Variants in CNTNAP2 observed in about 807,000 individuals in gnomAD.
CNTNAP2 encodes contactin associated protein 2.
CNTNAP2 carries 98 observed loss-of-function variants against 155.2 expected under a neutral mutation model. The ratio of observed to expected loss-of-function variants is 0.63; its 90% confidence interval spans 0.54 to 0.75. The LOEUF (loss-of-function observed/expected upper bound fraction) is 0.75. Among genes scored for constraint, CNTNAP2 ranks in the 30% least tolerant of loss-of-function variants. CNTNAP2 has a pLI of 0.00. For missense variants in CNTNAP2, 1,727 were observed against 1,688.1 expected, an observed-to-expected ratio of 1.02 and a Z score of -0.40; for synonymous variants, 651 against 631.2, an observed-to-expected ratio of 1.03 and a Z score of -0.47.
At chr7:148,201,250 G>T (rs1002611315) in intron 18 of CNTNAP2, among the ~76,000 whole-genome samples, 4 of 152,324 alleles carry the variant, frequency 2.6e-5, no homozygotes, top group Non-Finnish European at 5.9e-5. Context: ...AAAAGGGAAA[G>T]ACATGCAGAT....
intron 12 of CNTNAP2, among the ~76,000 whole-genome samples, chr7:147,563,837 G>A (rs1341457113): frequency 6.6e-6 from 1 of 152,010 alleles, no homozygotes; most frequent in Admixed American, 6.6e-5. Flanking sequence ...AAATCAGATT[G>A]TAAAACTAGA....
At chr7:148,147,180 C>G (rs922344773) in intron 16 of CNTNAP2, among the ~76,000 whole-genome samples, 2 of 152,164 alleles carry the variant, frequency 1.3e-5, no homozygotes, top group Non-Finnish European at 2.9e-5. Context: ...ACTCAACATG[C>G]GCTAACTTCT....
intron 9 of CNTNAP2, among the ~76,000 whole-genome samples, chr7:147,304,372 A>G (rs1482016834): frequency 6.6e-6 from 1 of 152,222 alleles, no homozygotes; most frequent in African/African-American, 2.4e-5. Context: ...AATGTTAAAC[A>G]CAATAATTAA....
At chr7:146,919,087 C>A (rs889362431) in intron 3 of CNTNAP2, among the ~76,000 whole-genome samples, 1 of 152,058 alleles carries the variant, frequency 6.6e-6, no homozygotes, top group Non-Finnish European at 1.5e-5. Context: ...CCATTAATAT[C>A]CTGTATCATT....
chr7:146,865,895 C>A (rs1050445947), intron 3 of CNTNAP2, among the ~76,000 whole-genome samples: 2 of 152,108 alleles, frequency 1.3e-5, no homozygotes, highest in African/African-American at 4.8e-5. Flanking sequence ...TACAGAAACA[C>A]AATGACCCGT....
chr7:147,939,814 C>A (rs926362417), intron 14 of CNTNAP2, among the ~76,000 whole-genome samples: 30 of 151,548 alleles, frequency 2.0e-4, no homozygotes, highest in East Asian at 1.4e-3. Flanking sequence ...ACACACACAC[C>A]CCCCAGCAGA....
chr7:146,333,501 G>C (rs1801219981), intron 1 of CNTNAP2, among the ~76,000 whole-genome samples: 1 of 152,138 alleles, frequency 6.6e-6, no homozygotes, highest in South Asian at 2.1e-4. Flanking sequence ...TAACTTCTTA[G>C]ACTATAACAC....
At chr7:147,649,033 A>C (rs545338266) in intron 13 of CNTNAP2, among the ~76,000 whole-genome samples, 82 of 152,304 alleles carry the variant, frequency 5.4e-4, no homozygotes, top group Admixed American at 3.6e-3. Context: ...GTGCATGATT[A>C]GAAATGCTAT....
chr7:147,006,536 T>G (rs1458815769), intron 3 of CNTNAP2, among the ~76,000 whole-genome samples: 1 of 151,962 alleles, frequency 6.6e-6, no homozygotes, highest in Non-Finnish European at 1.5e-5. Context: ...TATGATACCT[T>G]TCAATATAAA....
rs1043846903 is a variant in CNTNAP2 at position 148,419,645 on chromosome 7, T to C, written c.*4029T>C. 1.3e-5 allele frequency: 2 copies of C among 151,214 alleles called. No individual in the cohort carries two copies. Among genetic ancestry groups the C allele is most frequent in the Admixed American group, 6.6e-5 (1 of 15,086 alleles). The allele number at this position is 151,214 out of a possible 1,614,324, so 9.4% of individuals were successfully genotyped here. The stretch of plus-strand genomic sequence containing the variant: ...TATTAGTAGAAGCCAGGTTTCACCA[T>C]GTTGGCCAGGGTGGTCTCGAACTCC... On this transcript the variant is annotated 3_prime_UTR_variant, in exon 24 of 24. Coordinates refer to ENST00000361727, the MANE Select transcript of CNTNAP2 (RefSeq NM_014141.6).
chr7:146,195,570 G>T (rs902579293), intron 1 of CNTNAP2, among the ~76,000 whole-genome samples: 2 of 152,314 alleles, frequency 1.3e-5, no homozygotes, highest in East Asian at 1.9e-4. Flanking sequence ...ATTCAGAAAT[G>T]TTTGGAAAAG....
chr7:146,198,363 T>C (rs771596199), intron 1 of CNTNAP2, among the ~76,000 whole-genome samples: 19 of 152,208 alleles, frequency 1.2e-4, no homozygotes, highest in African/African-American at 3.1e-4. Flanking sequence ...TAGGTAGATA[T>C]ATGACTGGAA....
At chr7:147,530,165 C>G (rs1348263469) in intron 11 of CNTNAP2, among the ~76,000 whole-genome samples, 1 of 148,972 alleles carries the variant, frequency 6.7e-6, no homozygotes, top group Non-Finnish European at 1.5e-5. Flanking sequence ...GCCTCAGAAT[C>G]ATGGTGGAAG....
chr7:146,870,051 G>T (rs1193124172), intron 3 of CNTNAP2, among the ~76,000 whole-genome samples: 2 of 152,010 alleles, frequency 1.3e-5, no homozygotes, highest in South Asian at 4.1e-4. Context: ...TTTCTTTTTT[G>T]TGTGTGTTTC....
chr7:146,533,726 T>C (rs1326750365), intron 1 of CNTNAP2, among the ~76,000 whole-genome samples: 1 of 152,144 alleles, frequency 6.6e-6, no homozygotes, highest in Admixed American at 6.5e-5. Context: ...TGACCCCATC[T>C]CTGGATCCCA....
intron 15 of CNTNAP2, among the ~76,000 whole-genome samples, chr7:147,983,037 G>T (rs961973306): frequency 3.3e-5 from 3 of 89,590 alleles, no homozygotes; most frequent in Non-Finnish European, 7.7e-5. Flanking sequence ...AAAAAAAAAA[G>T]CAAAAACAGA....
At chr7:146,316,883 G>T (rs555957319) in intron 1 of CNTNAP2, among the ~76,000 whole-genome samples, 1 of 151,978 alleles carries the variant, frequency 6.6e-6, no homozygotes, top group Non-Finnish European at 1.5e-5. Context: ...CCACCTACGG[G>T]AGGTCGTCAG....
chr7:146,162,705 C>T (rs1798243610), intron 1 of CNTNAP2, among the ~76,000 whole-genome samples: 1 of 152,182 alleles, frequency 6.6e-6, no homozygotes, highest in Non-Finnish European at 1.5e-5. Context: ...GACACATGCT[C>T]ACACATGTTT....
At chr7:147,859,405 G>A (rs1289063450) in intron 13 of CNTNAP2, among the ~76,000 whole-genome samples, 3 of 139,292 alleles carry the variant, frequency 2.2e-5, no homozygotes, top group African/African-American at 8.5e-5. Context: ...TTAATGATGT[G>A]CTGACAAGAT....
Sources: allele counts gnomAD v4.1 joint callset (sites outside exome capture counted in the v4.1 genomes callset), GRCh38; gene constraint gnomAD v4.1.1; transcripts MANE v1.5; gene names NCBI Gene and HGNC (gene_info 2026-07-23, HGNC 2026-07-21).